The following RHOA variants were observed in gnomAD, a reference collection of about 807,000 sequenced individuals.
RHOA encodes the protein transforming protein RhoA.
Under a neutral mutation model 17.5 loss-of-function variants are expected in RHOA, and 3 were observed. The ratio of observed to expected loss-of-function variants is 0.17; its 90% confidence interval spans 0.08 to 0.44. The LOEUF (loss-of-function observed/expected upper bound fraction) is 0.44. RHOA is among the 20% of genes least tolerant of loss of function. The pLI, the probability that RHOA is intolerant of heterozygous loss-of-function variation, is 0.99. For missense variants in RHOA, 56 were observed against 242.3 expected, an observed-to-expected ratio of 0.23 and a Z score of 5.10; for synonymous variants, 98 against 88.4, an observed-to-expected ratio of 1.11 and a Z score of -0.61.
chr3:49,376,381 C>T (rs2048227144), intron 1 of RHOA, among the ~76,000 whole-genome samples: 2 of 151,914 alleles, frequency 1.3e-5, no homozygotes, highest in South Asian at 4.2e-4. Context: ...CAGTGGCTCA[C>T]GCCTATAATC....
rs1397956186 is a variant in RHOA at position 49,402,739 on chromosome 3, T to C, written c.-3+9081A>G. Among the ~76,000 whole-genome samples the C allele has an allele frequency of 4.6e-5, 7 of 151,960 alleles. No homozygotes were observed. The South Asian group carries it at 1.0e-3, about 23-fold the overall frequency. On this transcript the variant is annotated intron_variant, in intron 1 of 4. Coordinates refer to ENST00000418115, the MANE Select transcript of RHOA (RefSeq NM_001664.4). Reference sequence around the variant, plus strand: ...AAATAAAACGAATGAACAAAAAAACTAGTCTAAAAAACTTTAGGCCAGGAG... The same window carrying C: ...AAATAAAACGAATGAACAAAAAAACCAGTCTAAAAAACTTTAGGCCAGGAG...
intron 2 of RHOA, among the ~76,000 whole-genome samples, chr3:49,370,275 C>A (rs1287027203): frequency 6.6e-6 from 1 of 152,056 alleles, no homozygotes; most frequent in Non-Finnish European, 1.5e-5. Context: ...AAAACAGATA[C>A]TAGAACTGAA....
At chr3:49,382,762 A>G (rs188841590) in intron 1 of RHOA, among the ~76,000 whole-genome samples, 1 of 152,352 alleles carries the variant, frequency 6.6e-6, no homozygotes, top group East Asian at 1.9e-4. Flanking sequence ...CCCCAGTTCA[A>G]GAAAAGGCTG....
chr3:49,399,318 C>T (rs1485586287), intron 1 of RHOA, among the ~76,000 whole-genome samples: 2 of 150,278 alleles, frequency 1.3e-5, no homozygotes, highest in African/African-American at 4.9e-5. Flanking sequence ...TGCAGTGAGC[C>T]GAGATCGCAC....
chr3:49,402,202 G>A (rs1396332201), intron 1 of RHOA, among the ~76,000 whole-genome samples: 1 of 152,060 alleles, frequency 6.6e-6, no homozygotes, highest in East Asian at 1.9e-4. Flanking sequence ...TTCAATGGAT[G>A]CACAGAATCA....
At chr3:49,404,304 C>A (rs1441992351) in intron 1 of RHOA, among the ~76,000 whole-genome samples, 1 of 6,394 alleles carries the variant, frequency 1.6e-4, no homozygotes, top group East Asian at 0.17. Flanking sequence ...CCTTATCTCT[C>A]CAAAAAAAAG....
In RHOA at chr3:49,378,182, A is replaced by AAG. The variant is rs1231649171; in HGVS notation, c.-2-2592_-2-2591insCT. On this transcript the variant is annotated intron_variant, in intron 1 of 4. Coordinates refer to ENST00000418115, the MANE Select transcript of RHOA (RefSeq NM_001664.4). ...TGAAACTGTGTCTTAAAAAAAAAAAAAAAAAAAAAGAGAGAACTCCTTCTG... is the reference window on the plus strand; with the variant it reads ...TGAAACTGTGTCTTAAAAAAAAAAAAAGAAAAAAAAAGAGAGAACTCCTTCTG... Among the ~76,000 whole-genome samples, 4 of 150,114 alleles carry AAG rather than the reference A, an allele frequency of 2.7e-5. No individual in the cohort carries two copies. The Admixed American group carries it at 2.7e-4, about 10-fold the overall frequency.
At chr3:49,362,686 A>G in intron 3 of RHOA, 60 bp from the exon 4 acceptor site, 1 of 1,428,980 alleles carries the variant, frequency 7.0e-7, no homozygotes, top group Non-Finnish European at 9.5e-7. Flanking sequence ...AGACTTTCCA[A>G]GAACCTCAGT....
intron 1 of RHOA, among the ~76,000 whole-genome samples, chr3:49,404,041 C>T (rs982790498): frequency 7.2e-5 from 11 of 151,838 alleles, no homozygotes; most frequent in Non-Finnish European, 1.5e-4. Context: ...GGCTCATGCC[C>T]GTACTTGCAG....
chr3:49,384,778 T>C (rs966345449), intron 1 of RHOA, among the ~76,000 whole-genome samples: 3 of 152,032 alleles, frequency 2.0e-5, no homozygotes, highest in Non-Finnish European at 4.4e-5. Context: ...TTAATTATCT[T>C]GGCTGGGTGC....
intron 3 of RHOA, among the ~76,000 whole-genome samples, chr3:49,366,128 A>G (rs1252462995): frequency 1.3e-5 from 2 of 152,136 alleles, no homozygotes; most frequent in Non-Finnish European, 2.9e-5. Flanking sequence ...AGAATTATAC[A>G]CTAGATAACG....
intron 1 of RHOA, among the ~76,000 whole-genome samples, chr3:49,384,559 T>G (rs949980951): frequency 6.6e-6 from 1 of 151,666 alleles, no homozygotes; most frequent in African/African-American, 2.4e-5. Context: ...CAGGCTGGAG[T>G]GAGGTGGTGT....
chr3:49,406,033 A>G (rs1243825054), intron 1 of RHOA, among the ~76,000 whole-genome samples: 4 of 152,222 alleles, frequency 2.6e-5, no homozygotes, highest in Non-Finnish European at 4.4e-5. Context: ...ACAGAGCTTC[A>G]TTATGAATAA....
intron 1 of RHOA, among the ~76,000 whole-genome samples, chr3:49,387,740 C>CAA (rs747822212): frequency 7.9e-5 from 5 of 62,942 alleles, no homozygotes; most frequent in Non-Finnish European, 1.6e-4. Flanking sequence ...CTCCAGGTCT[C>CAA]AAAAAAAAAA....
chr3:49,382,064 A>C (rs1045723333), intron 1 of RHOA, among the ~76,000 whole-genome samples: 27 of 152,218 alleles, frequency 1.8e-4, no homozygotes, highest in African/African-American at 6.0e-4. Flanking sequence ...TCACACCTGT[A>C]ATCCCAGCAC....
intron 2 of RHOA, among the ~76,000 whole-genome samples, chr3:49,371,530 C>T (rs1045015906): frequency 7.9e-5 from 12 of 152,138 alleles, no homozygotes; most frequent in African/African-American, 2.4e-4. Context: ...ATCCTCCTGC[C>T]TCAGCCTCCC....
At position 49,404,812 on chromosome 3, in the gene RHOA, C is replaced by T. The variant is rs1337292683; in HGVS notation, c.-3+7008G>A. 2.7e-5 allele frequency among the ~76,000 whole-genome samples: 4 copies of T among 150,808 alleles called. No individual in the cohort carries two copies. The South Asian group carries it at 6.3e-4, about 24-fold the overall frequency. ...AATTAGCCAGGCGTGGCAGCATGCA[C>T]CTGTAGTCCCAGTTTACCTGGGAGG... On this transcript the variant is annotated intron_variant, in intron 1 of 4. Coordinates refer to ENST00000418115, the MANE Select transcript of RHOA (RefSeq NM_001664.4).
intron 1 of RHOA, among the ~76,000 whole-genome samples, chr3:49,401,556 C>A (rs1559517703): frequency 3.1e-5 from 1 of 32,756 alleles, no homozygotes; most frequent in Non-Finnish European, 6.9e-5. Flanking sequence ...GAAACTCTGT[C>A]TCAAAAAAAA....
At chr3:49,406,403 T>C (rs1402844896) in intron 1 of RHOA, among the ~76,000 whole-genome samples, 1 of 152,152 alleles carries the variant, frequency 6.6e-6, no homozygotes, top group Non-Finnish European at 1.5e-5. Context: ...TGCTCAACCA[T>C]ATACTTGAAG....
Sources: gnomAD v4.1 joint callset for allele counts (sites outside exome capture counted in the v4.1 genomes callset) on GRCh38, gnomAD v4.1.1 for gene constraint, MANE v1.5 for transcripts, NCBI Gene and HGNC (gene_info 2026-07-23, HGNC 2026-07-21) for gene names.